The following ARHGEF26 variants were observed in gnomAD, a reference collection of about 807,000 sequenced individuals.
ARHGEF26 encodes the protein Rho guanine nucleotide exchange factor 26, also known as Rho guanine nucleotide exchange factor (GEF) 26.
Under a neutral mutation model 89.4 loss-of-function variants are expected in ARHGEF26, and 59 were observed. The observed-to-expected ratio is 0.66, with a 90% CI of 0.54 to 0.82. ARHGEF26 has a LOEUF of 0.82. Among genes scored for constraint, ARHGEF26 ranks in the 40% least tolerant of loss-of-function variants. The pLI, the probability that ARHGEF26 is intolerant of heterozygous loss-of-function variation, is 0.00. For missense variants in ARHGEF26, 1,234 were observed against 1,085.6 expected (o/e 1.14, Z -1.92); for synonymous variants, 500 against 428.4 (o/e 1.17, Z -2.06).
intron 9 of ARHGEF26, among the ~76,000 whole-genome samples, chr3:154,204,710 A>G (rs767997016): frequency 7.9e-5 from 12 of 151,856 alleles, no homozygotes; most frequent in Non-Finnish European, 1.5e-4. Flanking sequence ...ATAGGTTTTG[A>G]TATGTTGTGT....
At chr3:154,126,414 CCT>C (rs1179369972) in intron 3 of ARHGEF26, among the ~76,000 whole-genome samples, 4 of 152,126 alleles carry the variant, frequency 2.6e-5, no homozygotes, top group Admixed American at 6.6e-5. Context: ...TTAACACCTC[CCT>C]CTCTCTGCCC....
At chr3:154,241,155 T>G (rs1390283222) in intron 12 of ARHGEF26, among the ~76,000 whole-genome samples, 1 of 152,220 alleles carries the variant, frequency 6.6e-6, no homozygotes, top group African/African-American at 2.4e-5. Flanking sequence ...AGTTCTCACA[T>G]TGGATGAGTG....
intron 2 of ARHGEF26, 54 bp from the exon 3 acceptor site, chr3:154,124,356 A>G: frequency 8.1e-7 from 1 of 1,231,092 alleles, no homozygotes; most frequent in Non-Finnish European, 1.1e-6. Context: ...GCTCATTCAT[A>G]CATAGTTTGC....
chr3:154,250,833 A>G (rs1462736541), intron 12 of ARHGEF26, among the ~76,000 whole-genome samples: 1 of 152,218 alleles, frequency 6.6e-6, no homozygotes, highest in Non-Finnish European at 1.5e-5. Flanking sequence ...GAGCCTGTGT[A>G]AAAAATAGAT....
At chr3:154,194,471 G>A (rs1714157806) in intron 8 of ARHGEF26, among the ~76,000 whole-genome samples, 173 bp from the exon 9 acceptor site, 1 of 152,098 alleles carries the variant, frequency 6.6e-6, no homozygotes, top group Non-Finnish European at 1.5e-5. Context: ...TGGATCCTGT[G>A]TTTAAAGATT....
chr3:154,186,886 C>CTTTTTTTTTTTT lies in ARHGEF26; in HGVS notation c.1488-782_1488-771dup, dbSNP rs201150057. ...CATATACTGTTAGATTTATTTCAGA[C>CTTTTTTTTTTTT]TTTTTTTTTTTTTTTTTTTTTTTTT... On this transcript the variant is annotated intron_variant, in intron 6 of 14. Coordinates refer to ENST00000465093, the MANE Select transcript of ARHGEF26 (RefSeq NM_015595.4). Among the ~76,000 whole-genome samples the CTTTTTTTTTTTT allele has an allele frequency of 4.5e-4, 37 of 82,070 alleles. 7 individuals are homozygous for CTTTTTTTTTTTT. Among genetic ancestry groups the CTTTTTTTTTTTT allele is most frequent in the African/African-American group, 1.5e-3 (31 of 21,158 alleles). 53.8% of individuals were successfully genotyped at this position (82,070 alleles called of 152,430 possible).
chr3:154,257,017 A>C lies in ARHGEF26; in HGVS notation c.*1544A>C, dbSNP rs551836143. The C allele has an allele frequency of 4.0e-5, 59 of 1,483,360 alleles. No individual in the cohort carries two copies. The highest frequency in any genetic ancestry group is 5.1e-5 in the Non-Finnish European group (57 of 1,123,980). 91.9% of individuals were successfully genotyped at this position (1,483,360 alleles called of 1,614,324 possible). ...AGGGATAAAACCTGGCAAAGTGTAC[A>C]TTATTGGAGGACTCAAATCTGTATG... On this transcript the variant is annotated 3_prime_UTR_variant, in exon 15 of 15. Coordinates refer to ENST00000465093, the MANE Select transcript of ARHGEF26 (RefSeq NM_015595.4).
At chr3:154,204,423 C>A (rs1174448777) in intron 9 of ARHGEF26, among the ~76,000 whole-genome samples, 1 of 151,134 alleles carries the variant, frequency 6.6e-6, no homozygotes, top group Admixed American at 6.6e-5. Context: ...CAACCTCCGC[C>A]TCCTGAGTAC....
intron 14 of ARHGEF26, among the ~76,000 whole-genome samples, chr3:154,255,042 C>T (rs980303995): frequency 1.1e-4 from 16 of 151,990 alleles, no homozygotes; most frequent in African/African-American, 2.7e-4. Context: ...TCTAAATATT[C>T]GTCCTTTCAA....
At chr3:154,228,240 T>C (rs994225715) in intron 11 of ARHGEF26, among the ~76,000 whole-genome samples, 24 of 151,196 alleles carry the variant, frequency 1.6e-4, no homozygotes, top group African/African-American at 5.6e-4. Context: ...CAGGTTCAAG[T>C]GATTCTCCTG....
At chr3:154,121,182 C>G (rs1717865506), upstream of ARHGEF26, 1 of 152,380 alleles carries the variant, frequency 6.6e-6, no homozygotes, top group African/African-American at 2.4e-5. Context: ...GCCGCCTCAG[C>G]TACTAGTCCG....
At chr3:154,145,618 A>AT (rs1719653467) in intron 4 of ARHGEF26, among the ~76,000 whole-genome samples, 1 of 152,152 alleles carries the variant, frequency 6.6e-6, no homozygotes, top group East Asian at 1.9e-4. Context: ...GGTGGGCAAA[A>AT]ATAGAAGGAA....
At chr3:154,195,067 T>C (rs1714208556) in intron 9 of ARHGEF26, among the ~76,000 whole-genome samples, 1 of 152,146 alleles carries the variant, frequency 6.6e-6, no homozygotes, top group Admixed American at 6.5e-5. Flanking sequence ...GCACGTGTAG[T>C]CACTGTGCTC....
chr3:154,127,210 T>A (rs1220566285), intron 3 of ARHGEF26, among the ~76,000 whole-genome samples: 2 of 152,182 alleles, frequency 1.3e-5, no homozygotes, highest in African/African-American at 4.8e-5. Flanking sequence ...AACTTTTCAA[T>A]CATTAACTTC....
chr3:154,154,530 G>T (rs1720212647), intron 6 of ARHGEF26, among the ~76,000 whole-genome samples: 1 of 151,752 alleles, frequency 6.6e-6, no homozygotes, highest in African/African-American at 2.4e-5. Context: ...AAAGAAGAAA[G>T]TCTAGTTTCT....
At position 154,180,168 on chromosome 3, in the gene ARHGEF26, C is replaced by T. The variant is rs371161500; in HGVS notation, c.1488-7517C>T. ...ACCTCTGTGATTACTTTAAGCCCAC[C>T]TGGATAATCCAGGATGATTTTCCCA... On this transcript the variant is annotated intron_variant, in intron 6 of 14. Transcript: ENST00000465093. Among the ~76,000 whole-genome samples, 15 of 152,326 alleles carry T rather than the reference C, an allele frequency of 9.8e-5. 2 individuals carry two copies. Among genetic ancestry groups the T allele is most frequent in the Admixed American group, 2.0e-4 (3 of 15,294 alleles).
intron 11 of ARHGEF26, among the ~76,000 whole-genome samples, chr3:154,227,453 T>C (rs1020676919): frequency 6.6e-6 from 1 of 152,018 alleles, no homozygotes; most frequent in Non-Finnish European, 1.5e-5. Context: ...AGCTAATTTT[T>C]TGTATTTTTA....
At chr3:154,197,669 A>G (rs775721574) in intron 9 of ARHGEF26, among the ~76,000 whole-genome samples, 5 of 152,178 alleles carry the variant, frequency 3.3e-5, no homozygotes, top group Non-Finnish European at 5.9e-5. Context: ...GACTGTGACA[A>G]TTTCTTTAAT....
At chr3:154,188,299 A>C (rs1317180808) in intron 7 of ARHGEF26, among the ~76,000 whole-genome samples, 2 of 152,224 alleles carry the variant, frequency 1.3e-5, no homozygotes, top group East Asian at 3.8e-4. Context: ...ATTGCTGATT[A>C]TTCCCCCCAC....
Sources: allele counts gnomAD v4.1 joint callset (sites outside exome capture counted in the v4.1 genomes callset), GRCh38; gene constraint gnomAD v4.1.1; transcripts MANE v1.5; gene names NCBI Gene and HGNC (gene_info 2026-07-23, HGNC 2026-07-21).